RHD: variants seen among roughly 807,000 people sequenced by gnomAD.
RHD encodes blood group Rh(D) polypeptide.
A neutral mutation model predicts 45.5 loss-of-function variants in RHD; 16 were observed. The ratio of observed to expected loss-of-function variants is 0.35; its 90% CI spans 0.24 to 0.53. The LOEUF (loss-of-function observed/expected upper bound fraction) is 0.53, where lower values mean the gene tolerates loss of function less well. Among genes scored for constraint, RHD ranks in the 20% least tolerant of loss-of-function variants. The pLI, the probability that RHD is intolerant of heterozygous loss-of-function variation, is 0.92. For synonymous variants in RHD, 131 were observed against 217.5 expected, an observed-to-expected ratio of 0.60 and a Z score of 3.50; for missense variants, 306 against 532.0, an observed-to-expected ratio of 0.58 and a Z score of 4.18.
intron 1 of RHD, among the ~76,000 whole-genome samples, chr1:25,282,937 A>G (rs1247836087): frequency 7.6e-6 from 1 of 131,848 alleles, no homozygotes; most frequent in Non-Finnish European, 1.8e-5. Flanking sequence ...AAATTTAAAC[A>G]CTAAAACTAA....
chr1:25,282,960 C>A (rs28721445), intron 1 of RHD, among the ~76,000 whole-genome samples: 1 of 131,758 alleles, frequency 7.6e-6, no homozygotes, highest in Admixed American at 7.4e-5. Context: ...AAGTAAAACA[C>A]CTCCCAAACT....
rs182611582 is a variant in RHD, at chr1:25,311,088, T to C, written c.1073+4359T>C. Among the ~76,000 whole-genome samples, 30 of 132,712 alleles carry C rather than the reference T, an allele frequency of 2.3e-4. 5 individuals are homozygous for C. In the East Asian group the frequency reaches 4.9e-3, roughly 22 times the overall value. The allele number at this position is 132,712 out of a possible 152,430, so 87.1% of individuals were successfully genotyped here. ...GGAAAGTCTGGAACTTCTTAATGGTTACTGAAGTCGTTGAGATCAGAGTGC... is the reference window on the plus strand; with the variant it reads ...GGAAAGTCTGGAACTTCTTAATGGTCACTGAAGTCGTTGAGATCAGAGTGC... On this transcript the variant is annotated intron_variant, in intron 7 of 9. Coordinates refer to ENST00000328664, the MANE Select transcript of RHD (RefSeq NM_016124.6).
rs181213340 is a variant in RHD, at chr1:25,307,379, T to G, written c.1073+650T>G. On this transcript the variant is annotated intron_variant, in intron 7 of 9. Transcript: ENST00000328664. ...AGAGCCCTAGCCATTACTTCCTGGA[T>G]GTTGTGTGAATATTTTCTGGACATG... Among the ~76,000 whole-genome samples the G allele has an allele frequency of 1.6e-3, 213 of 131,616 alleles. 26 individuals are homozygous for G. Among genetic ancestry groups the G allele is most frequent in the African/African-American group, 5.2e-3 (199 of 38,340 alleles). The allele number at this position is 131,616 out of a possible 152,430, so 86.3% of individuals were successfully genotyped here.
rs1449867961 is a variant in RHD, at chr1:25,291,657, TCA to T, written c.486+867_486+868del. Among the ~76,000 whole-genome samples the T allele has an allele frequency of 1.5e-5, 2 of 132,460 alleles. 1 individual carries two copies. The highest frequency in any genetic ancestry group is 3.6e-5 in the Non-Finnish European group (2 of 55,924). 86.9% of individuals were successfully genotyped at this position (132,460 alleles called of 152,430 possible). A position where few individuals can be genotyped will look rare whatever the true frequency, so the allele number is the denominator to read the frequency against. On this transcript the variant is annotated intron_variant, in intron 3 of 9. Transcript: ENST00000328664. ...ATGGTTATATAAAAGTAATTAATTC[TCA>T]GAGCCTCACCAGCAGTGGGTCCAGC...
In RHD at chr1:25,329,736, C is replaced by T. The variant is rs1363572104; in HGVS notation, c.*812C>T. 7.6e-6 allele frequency: 1 copy of T among 130,758 alleles called. No individual in the cohort carries two copies. The highest frequency in any genetic ancestry group is 2.3e-4 in the South Asian group (1 of 4,374). The allele number at this position is 130,758 out of a possible 1,614,324, so 8.1% of individuals were successfully genotyped here. A position where few individuals can be genotyped will look rare whatever the true frequency, so the allele number is the denominator to read the frequency against. On this transcript the variant is annotated 3_prime_UTR_variant, in exon 10 of 10. Coordinates refer to ENST00000328664, the MANE Select transcript of RHD (RefSeq NM_016124.6). ...TGCCGCAATCTCGGCTCACTGCAAC[C>T]TCCGCCTCCCAGGTTCAAGCAATTC...
rs1463598018 is a variant in RHD at position 25,313,431 on chromosome 1, C to T, written c.1074-3569C>T. Reference sequence around the variant, plus strand: ...TACAGTAAGTCTGTGCTTTTGTATGCTTCTTTTACTCAACATTGTAGTTGT... The same window carrying T: ...TACAGTAAGTCTGTGCTTTTGTATGTTTCTTTTACTCAACATTGTAGTTGT... On this transcript the variant is annotated intron_variant, in intron 7 of 9. Coordinates refer to ENST00000328664, the MANE Select transcript of RHD (RefSeq NM_016124.6). Among the ~76,000 whole-genome samples the T allele has an allele frequency of 1.1e-4, 14 of 132,898 alleles. 5 individuals are homozygous for T. The highest frequency in any genetic ancestry group is 4.6e-4 in the South Asian group (2 of 4,334). 87.2% of individuals were successfully genotyped at this position (132,898 alleles called of 152,430 possible). A position where few individuals can be genotyped will look rare whatever the true frequency, so the allele number is the denominator to read the frequency against.
At chr1:25,322,605 G>A (rs1177277653) in intron 9 of RHD, among the ~76,000 whole-genome samples, 4 of 130,932 alleles carry the variant, frequency 3.1e-5, no homozygotes, top group African/African-American at 1.0e-4. Context: ...CCTGGGAAGC[G>A]AAGTTTGCAG....
In RHD at chr1:25,289,279, C is replaced by G. The variant is rs1417080221; in HGVS notation, c.336-1362C>G. On this transcript the variant is annotated intron_variant, in intron 2 of 9. Transcript: ENST00000328664. ...GTGCAGTCTCGGCCCACTGAAACCT[C>G]TGCCTCCCGGGTTCAAGCGACTGCC... Among the ~76,000 whole-genome samples, 32 of 132,110 alleles carry G rather than the reference C, an allele frequency of 2.4e-4. 5 individuals are homozygous for G. Among genetic ancestry groups the G allele is most frequent in the African/African-American group, 7.5e-4 (29 of 38,746 alleles). The allele number at this position is 132,110 out of a possible 152,430, so 86.7% of individuals were successfully genotyped here. A position where few individuals can be genotyped will look rare whatever the true frequency, so the allele number is the denominator to read the frequency against.
Position 25,309,245 on chromosome 1 carries a change from TGGGAAGG to T in RHD, c.1073+2517_1073+2523del. Reference sequence around the variant, plus strand: ...CACAAACTGTGGGATTTTTAAGTAATGGGAAGGCACACTGAAATGGCACTGAATCATG... The same window carrying T: ...CACAAACTGTGGGATTTTTAAGTAATCACACTGAAATGGCACTGAATCATG... On this transcript the variant is annotated intron_variant, in intron 7 of 9. Transcript: ENST00000328664. Among the ~76,000 whole-genome samples, 2 of 131,922 alleles carry T rather than the reference TGGGAAGG, an allele frequency of 1.5e-5. 1 individual carries two copies. The highest frequency in any genetic ancestry group is 4.6e-4 in the South Asian group (2 of 4,348). The allele number at this position is 131,922 out of a possible 152,430, so 86.5% of individuals were successfully genotyped here. A position where few individuals can be genotyped will look rare whatever the true frequency, so the allele number is the denominator to read the frequency against.
At chr1:25,312,948 A>AAAAAAAAAAAAAAAAAC (rs1557556998) in intron 7 of RHD, among the ~76,000 whole-genome samples, 1 of 110,594 alleles carries the variant, frequency 9.0e-6, no homozygotes, top group Non-Finnish European at 2.2e-5. Context: ...AAAAAAAAAA[A>AAAAAAAAAAAAAAAAAC]AAAAAAACTT....
chr1:25,291,732 T>C (rs1384518224), intron 3 of RHD, among the ~76,000 whole-genome samples: 1 of 132,792 alleles, frequency 7.5e-6, no homozygotes, highest in African/African-American at 2.6e-5. Context: ...TGTCAGTAAC[T>C]GCATATGTCC....
chr1:25,319,671 T>C (rs1368870583), intron 8 of RHD, among the ~76,000 whole-genome samples: 1 of 132,038 alleles, frequency 7.6e-6, no homozygotes, highest in Non-Finnish European at 1.8e-5. Context: ...GCAGCCAAAA[T>C]TGCACCAAAT....
intron 2 of RHD, among the ~76,000 whole-genome samples, chr1:25,286,613 T>C (rs1208652996): frequency 3.0e-5 from 4 of 133,278 alleles, no homozygotes; most frequent in Admixed American, 2.2e-4. Flanking sequence ...GGAGAAACCC[T>C]GTCTCTACTA....
intron 1 of RHD, among the ~76,000 whole-genome samples, chr1:25,281,112 G>A (rs1465552424): frequency 7.5e-6 from 1 of 132,734 alleles, no homozygotes; most frequent in African/African-American, 2.6e-5. Flanking sequence ...AGATCACTTA[G>A]TGAGGTGAGA....
intron 1 of RHD, among the ~76,000 whole-genome samples, chr1:25,274,879 C>T (rs1290579038): frequency 7.7e-6 from 1 of 129,548 alleles, no homozygotes; most frequent in East Asian, 2.0e-4. Flanking sequence ...TGGTGGCACA[C>T]GTCTATAATC....
Position 25,303,443 on chromosome 1 carries a change from G to A in RHD, c.923G>A (p.Gly308Glu), listed in dbSNP as rs1415350432. The A allele has an allele frequency of 3.6e-6, 5 of 1,378,948 alleles. 2 individuals carry two copies. The highest frequency in any genetic ancestry group is 2.4e-5 in the South Asian group (2 of 84,862). 85.4% of individuals were successfully genotyped at this position (1,378,948 alleles called of 1,614,324 possible). Reference sequence around the variant, plus strand: ...GTGGCTGGGCTGATCTCCGTCGGGGGAGCCAAGTACCTGCCGGTAAGAAAC... The same window carrying A: ...GTGGCTGGGCTGATCTCCGTCGGGGAAGCCAAGTACCTGCCGGTAAGAAAC... Reference protein sequence around the residue: ...GLVAGLISVGGAKYLPGCCNR... With the variant: ...GLVAGLISVGEAKYLPGCCNR... Residue 308 changes from glycine (G) to glutamate (E), a missense_variant, in exon 6 of 10, where the codon GGA becomes GAA. Coordinates refer to ENST00000328664, the MANE Select transcript of RHD (RefSeq NM_016124.6).
Position 25,278,925 on chromosome 1 carries a change from T to C in RHD, c.149-5648T>C, listed in dbSNP as rs1641242222. Among the ~76,000 whole-genome samples, 2 of 128,870 alleles carry C rather than the reference T, an allele frequency of 1.6e-5. 1 individual carries two copies. The highest frequency in any genetic ancestry group is 3.7e-5 in the Non-Finnish European group (2 of 54,760). 84.5% of individuals were successfully genotyped at this position (128,870 alleles called of 152,430 possible). ...GGCCTCCTGAGGCTGCAGTGGTCTTTCCAGGCAGCAGTGGGAGCACAGGGT... is the reference window on the plus strand; with the variant it reads ...GGCCTCCTGAGGCTGCAGTGGTCTTCCCAGGCAGCAGTGGGAGCACAGGGT... On this transcript the variant is annotated intron_variant, in intron 1 of 9. Coordinates refer to ENST00000328664, the MANE Select transcript of RHD (RefSeq NM_016124.6).
In RHD at chr1:25,312,514, G is replaced by T. The variant is rs1644199717; in HGVS notation, c.1074-4486G>T. On this transcript the variant is annotated intron_variant, in intron 7 of 9. Coordinates refer to ENST00000328664, the MANE Select transcript of RHD (RefSeq NM_016124.6). ...AATCCCAGTGATTTGGGAGGTTGAG[G>T]TGGGAGGATTGCTTGAGCCCAGGAG... Among the ~76,000 whole-genome samples, 3 of 130,628 alleles carry T rather than the reference G, an allele frequency of 2.3e-5. 1 individual carries two copies. The highest frequency in any genetic ancestry group is 5.4e-5 in the Non-Finnish European group (3 of 55,246). 85.7% of individuals were successfully genotyped at this position (130,628 alleles called of 152,430 possible).
chr1:25,275,646 C>T lies in RHD; in HGVS notation c.148+2951C>T, dbSNP rs1240386853. Among the ~76,000 whole-genome samples the T allele has an allele frequency of 6.0e-5, 8 of 132,924 alleles. 3 individuals are homozygous for T. Among genetic ancestry groups the T allele is most frequent in the Non-Finnish European group, 3.6e-5 (2 of 56,150 alleles). 87.2% of individuals were successfully genotyped at this position (132,924 alleles called of 152,430 possible). ...TTTTGTATGTTACAATAAATACATA[C>T]AAATTAGGAAAATTGAAAGAGATCA... On this transcript the variant is annotated intron_variant, in intron 1 of 9. Coordinates refer to ENST00000328664, the MANE Select transcript of RHD (RefSeq NM_016124.6).
Sources: gnomAD v4.1 joint callset for allele counts (sites outside exome capture counted in the v4.1 genomes callset) on GRCh38, gnomAD v4.1.1 for gene constraint, MANE v1.5 for transcripts, NCBI Gene and HGNC (gene_info 2026-07-23, HGNC 2026-07-21) for gene names.